Variants in VEPH1 observed in about 807,000 individuals in gnomAD.
VEPH1 encodes ventricular zone expressed PH domain containing 1.
In VEPH1, 80 loss-of-function variants were observed where a neutral mutation model predicts 85.2. That is an observed-to-expected ratio of 0.94 (90% CI 0.78 to 1.13). VEPH1 has a LOEUF of 1.13. Among genes scored for constraint, VEPH1 ranks in the 50% most tolerant of loss-of-function variants. The probability of loss-of-function intolerance (pLI) is 0.00; values close to 1 mark genes in which losing one functional copy is unlikely to be tolerated. For synonymous variants in VEPH1, 297 were observed against 348.0 expected (o/e 0.85, Z 1.63); for missense variants, 955 against 980.5 (o/e 0.97, Z 0.35).
intron 3 of VEPH1, among the ~76,000 whole-genome samples, chr3:157,465,909 G>A (rs1026862061): frequency 2.0e-5 from 3 of 152,174 alleles, no homozygotes; most frequent in Non-Finnish European, 4.4e-5. Flanking sequence ...GAGATTGGGG[G>A]AAGATGAAAT....
At chr3:157,266,957 C>G (rs1392998788) in intron 12 of VEPH1, among the ~76,000 whole-genome samples, 1 of 152,110 alleles carries the variant, frequency 6.6e-6, no homozygotes. Context: ...TGAACACAAC[C>G]TGCCTTTTGT....
At chr3:157,414,982 C>T (rs1376593703) in intron 5 of VEPH1, 1 of 152,140 alleles carries the variant, frequency 6.6e-6, no homozygotes, top group Non-Finnish European at 1.5e-5. Context: ...TACACAGCAC[C>T]ATCTGCCCAA....
intron 5 of VEPH1, among the ~76,000 whole-genome samples, chr3:157,426,994 T>C (rs923497618): frequency 6.8e-6 from 1 of 147,320 alleles, no homozygotes; most frequent in Non-Finnish European, 1.5e-5. Context: ...TTTCTTTTCT[T>C]TTTTTTTTTT....
At chr3:157,279,702 A>T (rs1196373147) in intron 12 of VEPH1, among the ~76,000 whole-genome samples, 1 of 152,124 alleles carries the variant, frequency 6.6e-6, no homozygotes, top group African/African-American at 2.4e-5. Flanking sequence ...TGATGACTTT[A>T]TTCTCTGTGG....
At chr3:157,467,149 G>GTT (rs1464458533) in intron 3 of VEPH1, among the ~76,000 whole-genome samples, 1 of 151,050 alleles carries the variant, frequency 6.6e-6, no homozygotes, top group East Asian at 1.9e-4. Context: ...GTGTGTGTGT[G>GTT]TACACATTTA....
intron 2 of VEPH1, among the ~76,000 whole-genome samples, chr3:157,483,091 T>C (rs1738275127): frequency 6.6e-6 from 1 of 151,184 alleles, no homozygotes; most frequent in African/African-American, 2.4e-5. Flanking sequence ...TAATCCTTTA[T>C]ATTTTCATCC....
chr3:157,271,815 A>G (rs1018686712), intron 12 of VEPH1, among the ~76,000 whole-genome samples: 1 of 152,212 alleles, frequency 6.6e-6, no homozygotes, highest in African/African-American at 2.4e-5. Flanking sequence ...CAAATTCAAC[A>G]AAGTTCAGAT....
At chr3:157,275,738 C>T (rs1455379685) in intron 12 of VEPH1, among the ~76,000 whole-genome samples, 1 of 151,792 alleles carries the variant, frequency 6.6e-6, no homozygotes, top group African/African-American at 2.4e-5. Flanking sequence ...CATTTTTTCC[C>T]CCTTGAAAAC....
chr3:157,432,073 C>G (rs893482531), intron 4 of VEPH1, among the ~76,000 whole-genome samples: 1 of 151,970 alleles, frequency 6.6e-6, no homozygotes, highest in African/African-American at 2.4e-5. Context: ...TGGTCTCAAA[C>G]TCCTGACCTT....
chr3:157,394,501 T>C (rs1560027747), intron 6 of VEPH1, among the ~76,000 whole-genome samples: 1 of 152,218 alleles, frequency 6.6e-6, no homozygotes, highest in African/African-American at 2.4e-5. Context: ...TGCATTGCTA[T>C]AAAGAATACT....
intron 7 of VEPH1, among the ~76,000 whole-genome samples, chr3:157,375,984 G>A (rs543950658): frequency 4.6e-5 from 7 of 152,196 alleles, no homozygotes; most frequent in South Asian, 2.1e-4. Context: ...TGACTTTCAC[G>A]GCTTTGGCTG....
At chr3:157,407,374 A>T (rs989858044) in intron 6 of VEPH1, among the ~76,000 whole-genome samples, 1 of 152,194 alleles carries the variant, frequency 6.6e-6, no homozygotes, top group Non-Finnish European at 1.5e-5. Context: ...AACAAGGCCT[A>T]TTTTAAATTA....
chr3:157,313,512 G>T, intron 11 of VEPH1, 109 bp downstream of exon 11: 2 of 1,278,166 alleles, frequency 1.6e-6, no homozygotes, highest in Non-Finnish European at 2.1e-6. Flanking sequence ...AATAATAAAA[G>T]AAAGGTAAAC....
At chr3:157,483,153 C>CACACACAA (rs1268077376) in intron 2 of VEPH1, among the ~76,000 whole-genome samples, 1 of 151,136 alleles carries the variant, frequency 6.6e-6, no homozygotes, top group Non-Finnish European at 1.5e-5. Context: ...CACACACACA[C>CACACACAA]AATGTGTATA....
At chr3:157,369,439 C>A (rs1727232915) in intron 7 of VEPH1, among the ~76,000 whole-genome samples, 1 of 152,190 alleles carries the variant, frequency 6.6e-6, no homozygotes, top group Non-Finnish European at 1.5e-5. Context: ...AGAATTCTCA[C>A]CGCAAAGACT....
Position 157,364,286 on chromosome 3 carries a change from A to C in VEPH1, c.1337+17T>G. ...CATGAAGTGTATGATTTAAAAAACA[A>C]ACCAAACGAGTTATACCTGTTAAAT... On this transcript the variant is annotated intron_variant, in intron 8 of 13. Coordinates refer to ENST00000362010, the MANE Select transcript of VEPH1 (RefSeq NM_001167912.2). The C allele has an allele frequency of 2.0e-6, 3 of 1,497,292 alleles. No homozygotes were observed. Among genetic ancestry groups the C allele is most frequent in the Non-Finnish European group, 2.7e-6 (3 of 1,129,064 alleles). The allele number at this position is 1,497,292 out of a possible 1,614,324, so 92.8% of individuals were successfully genotyped here.
At chr3:157,404,311 T>C (rs1399015603) in intron 6 of VEPH1, among the ~76,000 whole-genome samples, 1 of 151,902 alleles carries the variant, frequency 6.6e-6, no homozygotes, top group African/African-American at 2.4e-5. Flanking sequence ...GGGTTGGGAG[T>C]GTGTGTATTC....
intron 3 of VEPH1, among the ~76,000 whole-genome samples, chr3:157,467,125 A>ATGTGTGTGTGTGTGTG (rs57109409): frequency 0.013 from 1,946 of 145,432 alleles, 60 homozygotes; most frequent in African/African-American, 0.047. Flanking sequence ...GTGTGTGTGT[A>ATGTGTGTGTGTGTGTG]TGTGTGTGTG....
At chr3:157,316,280 A>G (rs1250914219) in intron 10 of VEPH1, 2 of 151,896 alleles carry the variant, frequency 1.3e-5, no homozygotes, top group East Asian at 3.8e-4. Flanking sequence ...GTGTTATAAC[A>G]TTTGCATTTT....
Sources: gnomAD v4.1 joint callset for allele counts (sites outside exome capture counted in the v4.1 genomes callset) on GRCh38, gnomAD v4.1.1 for gene constraint, MANE v1.5 for transcripts, NCBI Gene and HGNC (gene_info 2026-07-23, HGNC 2026-07-21) for gene names.